Variants in CDKAL1 observed in about 807,000 individuals in gnomAD.
CDKAL1 encodes threonylcarbamoyladenosine tRNA methylthiotransferase.
A neutral mutation model predicts 68.2 loss-of-function variants in CDKAL1; 32 were observed. The ratio of observed to expected loss-of-function variants is 0.47; its 90% CI spans 0.35 to 0.63. The LOEUF (loss-of-function observed/expected upper bound fraction) is 0.63, where lower values mean the gene tolerates loss of function less well. Among genes scored for constraint, CDKAL1 ranks in the 30% least tolerant of loss-of-function variants. The probability of loss-of-function intolerance (pLI) is 0.00; values close to 1 mark genes in which losing one functional copy is unlikely to be tolerated. For missense variants in CDKAL1, 606 were observed against 696.7 expected (o/e 0.87, Z 1.47); for synonymous variants, 234 against 244.3 (o/e 0.96, Z 0.39).
intron 13 of CDKAL1, among the ~76,000 whole-genome samples, chr6:21,160,784 G>A (rs915199900): frequency 1.5e-4 from 22 of 151,060 alleles, no homozygotes; most frequent in Non-Finnish European, 3.0e-4. Flanking sequence ...ATGTGCCATG[G>A]TGGTTTGCTG....
intron 8 of CDKAL1, among the ~76,000 whole-genome samples, chr6:20,798,201 T>C (rs1368818346): frequency 1.3e-5 from 2 of 151,884 alleles, no homozygotes; most frequent in Non-Finnish European, 2.9e-5. Flanking sequence ...GGGTTAGAGA[T>C]TGGGAGGTGA....
chr6:21,104,190 C>A (rs1773728908), intron 12 of CDKAL1, among the ~76,000 whole-genome samples: 1 of 150,664 alleles, frequency 6.6e-6, no homozygotes, highest in Non-Finnish European at 1.5e-5. Flanking sequence ...TAGAAAGCCA[C>A]TTGGAATATT....
chr6:20,809,953 G>A (rs1776725215), intron 8 of CDKAL1, among the ~76,000 whole-genome samples: 1 of 152,076 alleles, frequency 6.6e-6, no homozygotes, highest in African/African-American at 2.4e-5. Flanking sequence ...AATACAAAAT[G>A]GAAAAACAAG....
chr6:20,972,453 C>T (rs1471407598), intron 10 of CDKAL1, among the ~76,000 whole-genome samples: 1 of 152,166 alleles, frequency 6.6e-6, no homozygotes. Flanking sequence ...TCCGTGGAAG[C>T]CTATCAGTTT....
At chr6:21,148,103 T>C (rs1019839483) in intron 13 of CDKAL1, among the ~76,000 whole-genome samples, 10 of 152,332 alleles carry the variant, frequency 6.6e-5, no homozygotes, top group African/African-American at 2.4e-4. Context: ...TTTAATCATG[T>C]TTTTAGATTG....
At chr6:20,550,401 C>T (rs1393967950) in intron 4 of CDKAL1, among the ~76,000 whole-genome samples, 8 of 152,150 alleles carry the variant, frequency 5.3e-5, no homozygotes, top group Admixed American at 4.6e-4. Context: ...GGATCTTGTT[C>T]AGGCTGGCTC....
intron 6 of CDKAL1, among the ~76,000 whole-genome samples, chr6:20,748,613 A>C (rs912216017): frequency 6.7e-6 from 1 of 148,572 alleles, no homozygotes; most frequent in African/African-American, 2.5e-5. Flanking sequence ...TAATCAAAAC[A>C]GTATGGTACT....
chr6:20,721,187 C>T (rs563965859), intron 5 of CDKAL1, among the ~76,000 whole-genome samples: 20 of 150,914 alleles, frequency 1.3e-4, no homozygotes, highest in African/African-American at 4.1e-4. Flanking sequence ...GTTAAATTCC[C>T]ACCTATAAGT....
intron 11 of CDKAL1, among the ~76,000 whole-genome samples, chr6:21,028,114 G>T (rs1769062719): frequency 6.6e-6 from 1 of 152,174 alleles, no homozygotes; most frequent in South Asian, 2.1e-4. Context: ...GGGCTGAATG[G>T]AGTCACAGTG....
At chr6:20,660,106 C>T (rs201325494) in intron 5 of CDKAL1, among the ~76,000 whole-genome samples, 1 of 152,164 alleles carries the variant, frequency 6.6e-6, no homozygotes, top group East Asian at 1.9e-4. Context: ...TCAGAGATAA[C>T]ACCTGTGGGG....
chr6:21,138,955 C>T (rs1775760632), intron 13 of CDKAL1, among the ~76,000 whole-genome samples: 1 of 152,212 alleles, frequency 6.6e-6, no homozygotes, highest in Non-Finnish European at 1.5e-5. Flanking sequence ...CTCGCACTGT[C>T]TCCAGTCATG....
intron 8 of CDKAL1, among the ~76,000 whole-genome samples, chr6:20,825,842 G>C (rs1047547755): frequency 6.6e-6 from 1 of 152,066 alleles, no homozygotes; most frequent in African/African-American, 2.4e-5. Context: ...ATGCTACTTA[G>C]AGAGGTCCCC....
In CDKAL1 at chr6:20,758,576, CGT is replaced by C. The variant is rs1491270368; in HGVS notation, c.469-18_469-17del. 6 of 1,558,280 alleles carry C rather than the reference CGT, an allele frequency of 3.9e-6. No individual in the cohort carries two copies. The South Asian group carries it at 7.1e-5, about 19-fold the overall frequency. ...TCTTCGTGTAAATTACTTGTGTAAT[CGT>C]TTTTTTTTTTTTCCAGGTTCAGCAG... On this transcript the variant is annotated splice_polypyrimidine_tract_variant and intron_variant, in intron 6 of 15. Transcript: ENST00000274695.
intron 6 of CDKAL1, among the ~76,000 whole-genome samples, chr6:20,750,719 T>A (rs1773879202): frequency 6.6e-6 from 1 of 151,876 alleles, no homozygotes; most frequent in South Asian, 2.1e-4. Context: ...ATCCCAGCAC[T>A]TTGGGAGGCC....
At chr6:21,165,958 C>G (rs1392359647) in intron 13 of CDKAL1, among the ~76,000 whole-genome samples, 3 of 152,194 alleles carry the variant, frequency 2.0e-5, no homozygotes, top group African/African-American at 7.2e-5. Flanking sequence ...CATCCTGGCT[C>G]TTCCACTGAC....
intron 9 of CDKAL1, among the ~76,000 whole-genome samples, chr6:20,888,859 G>A (rs1014918990): frequency 6.6e-6 from 1 of 152,154 alleles, no homozygotes; most frequent in African/African-American, 2.4e-5. Context: ...ATAGCAGTAT[G>A]ATTTATAGTC....
intron 11 of CDKAL1, among the ~76,000 whole-genome samples, chr6:21,044,074 A>G (rs1441062197): frequency 6.6e-6 from 1 of 152,220 alleles, no homozygotes; most frequent in African/African-American, 2.4e-5. Flanking sequence ...TAGGAGGGCA[A>G]TCTGTGATCC....
chr6:21,018,685 A>C (rs1768470498), intron 11 of CDKAL1, among the ~76,000 whole-genome samples: 1 of 152,176 alleles, frequency 6.6e-6, no homozygotes, highest in Non-Finnish European at 1.5e-5. Context: ...GATCAGAATA[A>C]ACCTTTATTG....
chr6:20,706,745 G>C (rs1771613729), intron 5 of CDKAL1, among the ~76,000 whole-genome samples: 1 of 152,146 alleles, frequency 6.6e-6, no homozygotes, highest in South Asian at 2.1e-4. Context: ...ATGATGTGAA[G>C]TGATGAGTCA....
Sources: gnomAD v4.1 joint callset for allele counts (sites outside exome capture counted in the v4.1 genomes callset) on GRCh38, gnomAD v4.1.1 for gene constraint, MANE v1.5 for transcripts, NCBI Gene and HGNC (gene_info 2026-07-23, HGNC 2026-07-21) for gene names.